The following ZCCHC17 variants were observed in gnomAD, a reference collection of about 807,000 sequenced individuals.
ZCCHC17 encodes zinc finger CCHC domain-containing protein 17.
In ZCCHC17, 18 loss-of-function variants were observed where a neutral mutation model predicts 30.6. The observed-to-expected ratio is 0.59, with a 90% CI of 0.41 to 0.87. The LOEUF (loss-of-function observed/expected upper bound fraction) is 0.87, where lower values mean the gene tolerates loss of function less well. Ranked by LOEUF, ZCCHC17 falls within the 40% of genes least tolerant of loss-of-function variation. The pLI is 0.00. For synonymous variants in ZCCHC17, 88 were observed against 92.4 expected (o/e 0.95, Z 0.27); for missense variants, 263 against 284.2 (o/e 0.93, Z 0.54).
At chr1:31,362,004 G>A (rs978162072) in intron 7 of ZCCHC17, among the ~76,000 whole-genome samples, 1 of 152,014 alleles carries the variant, frequency 6.6e-6, no homozygotes, top group Non-Finnish European at 1.5e-5. Context: ...TAGAGACAGG[G>A]TTTCACCATG....
intron 1 of ZCCHC17, among the ~76,000 whole-genome samples, chr1:31,299,255 A>G (rs1365635944): frequency 6.6e-6 from 1 of 152,162 alleles, no homozygotes; most frequent in African/African-American, 2.4e-5. Context: ...AAATTTGAGA[A>G]TATTGTAGAA....
intron 3 of ZCCHC17, among the ~76,000 whole-genome samples, chr1:31,332,894 T>C (rs1638645736): frequency 6.6e-6 from 1 of 152,188 alleles, no homozygotes; most frequent in Non-Finnish European, 1.5e-5. Context: ...GGTGCTGGGA[T>C]CACAAGCATG....
At chr1:31,337,099 T>C in intron 3 of ZCCHC17, 76 bp from the exon 4 acceptor site, 2 of 1,362,978 alleles carry the variant, frequency 1.5e-6, no homozygotes, top group South Asian at 2.8e-5. Flanking sequence ...CCCCAACTCT[T>C]ACCTTCTTAT....
At chr1:31,300,530 A>G (rs1339901832) in intron 1 of ZCCHC17, among the ~76,000 whole-genome samples, 8 of 152,180 alleles carry the variant, frequency 5.3e-5, no homozygotes, top group Non-Finnish European at 1.0e-4. Flanking sequence ...ACATACTGCC[A>G]GATAGTTAAA....
chr1:31,364,181 G>C lies in ZCCHC17; in HGVS notation c.714G>C (p.Lys238Asn). Residue 238 changes from lysine (K) to asparagine (N), a missense_variant, in exon 8 of 8, where the codon AAG becomes AAC. By Grantham distance (94) the Lys-to-Asn change is moderately conservative (BLOSUM62 0). Transcript: ENST00000344147. ...KKKKKKKHKK[K>N]HKE Reference sequence around the variant, plus strand: ...AAAAGAAGAAGAAGCACAAGAAGAAGCACAAGGAGTGAGAGTATAAAGAGT... The same window carrying C: ...AAAAGAAGAAGAAGCACAAGAAGAACCACAAGGAGTGAGAGTATAAAGAGT... The C allele has an allele frequency of 1.2e-6, 2 of 1,613,442 alleles. No homozygotes were observed. Among genetic ancestry groups the C allele is most frequent in the South Asian group, 2.2e-5 (2 of 91,038 alleles).
intron 6 of ZCCHC17, among the ~76,000 whole-genome samples, chr1:31,347,628 T>G (rs1422960090): frequency 6.6e-6 from 1 of 152,132 alleles, no homozygotes; most frequent in Non-Finnish European, 1.5e-5. Flanking sequence ...AGATAGCTTT[T>G]TTTGTTGTTT....
chr1:31,310,010 T>C, intron 1 of ZCCHC17, 34 bp from the exon 2 acceptor site: 7 of 1,243,878 alleles, frequency 5.6e-6, no homozygotes, highest in Non-Finnish European at 8.2e-6. Flanking sequence ...AATGCAGATA[T>C]CTCTCTAATT....
chr1:31,336,980 A>T lies in ZCCHC17; in HGVS notation c.125-195A>T, dbSNP rs115921067. On this transcript the variant is annotated intron_variant, in intron 3 of 7. Coordinates refer to ENST00000344147, the MANE Select transcript of ZCCHC17 (RefSeq NM_016505.4). Reference sequence around the variant, plus strand: ...TGAGCCACTGTGCCCGGCCACTTTGAGCATTATTTTAAGAATGTTTGTTGG... The same window carrying T: ...TGAGCCACTGTGCCCGGCCACTTTGTGCATTATTTTAAGAATGTTTGTTGG... 4.8e-4 allele frequency: 221 copies of T among 464,650 alleles called. 1 individual carries two copies. The highest frequency in any genetic ancestry group is 4.3e-3 in the African/African-American group (214 of 49,384). 28.8% of individuals were successfully genotyped at this position (464,650 alleles called of 1,614,324 possible).
At chr1:31,355,242 G>C (rs186955963) in intron 7 of ZCCHC17, among the ~76,000 whole-genome samples, 176 of 150,576 alleles carry the variant, frequency 1.2e-3, no homozygotes, top group Middle Eastern at 3.4e-3. Flanking sequence ...AGTCCTCTTT[G>C]ATTAAAAAGT....
At position 31,364,341 on chromosome 1, in the gene ZCCHC17, C is replaced by T. The variant is rs1341851517; in HGVS notation, c.*148C>T. On this transcript the variant is annotated 3_prime_UTR_variant, in exon 8 of 8. Transcript: ENST00000344147. ...AGATGGCTTCCCCTCATGCAACAGG[C>T]AGGTTTGGGAGTTAGAGGTCAAAAG... is the stretch of plus-strand genomic sequence containing the variant. 1 of 1,389,846 alleles carries T rather than the reference C, an allele frequency of 7.2e-7. No individual in the cohort carries two copies. The highest frequency in any genetic ancestry group is 1.5e-5 in the African/African-American group (1 of 68,652). 86.1% of individuals were successfully genotyped at this position (1,389,846 alleles called of 1,614,324 possible). A position where few individuals can be genotyped will look rare whatever the true frequency, so the allele number is the denominator to read the frequency against.
chr1:31,314,493 TTCTG>T (rs1333991458), intron 2 of ZCCHC17, among the ~76,000 whole-genome samples: 1 of 151,004 alleles, frequency 6.6e-6, no homozygotes, highest in Non-Finnish European at 1.5e-5. Flanking sequence ...CTTTCACACA[TTCTG>T]TCTTATTGAA....
intron 5 of ZCCHC17, among the ~76,000 whole-genome samples, chr1:31,340,387 G>A (rs533300646): frequency 1.3e-4 from 18 of 134,654 alleles, no homozygotes; most frequent in African/African-American, 4.4e-4. Flanking sequence ...GCACAATCTC[G>A]GCTCACCGCA....
At chr1:31,300,920 C>T (rs1001185000) in intron 1 of ZCCHC17, among the ~76,000 whole-genome samples, 6 of 137,686 alleles carry the variant, frequency 4.4e-5, no homozygotes, top group African/African-American at 1.1e-4. Flanking sequence ...GTGACAAGAA[C>T]AAAACTCTGT....
chr1:31,309,273 G>A (rs971138894), intron 1 of ZCCHC17, among the ~76,000 whole-genome samples: 1 of 152,144 alleles, frequency 6.6e-6, no homozygotes, highest in African/African-American at 2.4e-5. Flanking sequence ...TCTCTCATCT[G>A]TATAATATAA....
At chr1:31,340,994 T>C (rs1430014990) in intron 5 of ZCCHC17, among the ~76,000 whole-genome samples, 2 of 152,220 alleles carry the variant, frequency 1.3e-5, no homozygotes, top group Non-Finnish European at 2.9e-5. Context: ...AAAGTGGATG[T>C]TATCTCCATT....
chr1:31,337,560 C>T (rs987734460), intron 4 of ZCCHC17, among the ~76,000 whole-genome samples: 3 of 151,974 alleles, frequency 2.0e-5, no homozygotes, highest in Admixed American at 6.6e-5. Context: ...GAAAAAAGAA[C>T]CAAAAAGAGA....
intron 1 of ZCCHC17, among the ~76,000 whole-genome samples, chr1:31,304,888 C>T (rs1407472767): frequency 6.6e-6 from 1 of 152,216 alleles, no homozygotes; most frequent in Non-Finnish European, 1.5e-5. Context: ...AGCCACCACG[C>T]ACGGCTGTAT....
intron 7 of ZCCHC17, among the ~76,000 whole-genome samples, chr1:31,354,645 T>G (rs1249619597): frequency 6.6e-6 from 1 of 152,240 alleles, no homozygotes; most frequent in Non-Finnish European, 1.5e-5. Flanking sequence ...GATCTTTGGT[T>G]GAGTTCTTTT....
At chr1:31,346,273 T>C (rs1365950770) in intron 5 of ZCCHC17, among the ~76,000 whole-genome samples, 1 of 152,194 alleles carries the variant, frequency 6.6e-6, no homozygotes, top group Non-Finnish European at 1.5e-5. Context: ...AAAAGTAGTT[T>C]AGAGACAAAC....
Sources: gnomAD v4.1 joint callset for allele counts (sites outside exome capture counted in the v4.1 genomes callset) on GRCh38, gnomAD v4.1.1 for gene constraint, MANE v1.5 for transcripts, NCBI Gene and HGNC (gene_info 2026-07-23, HGNC 2026-07-21) for gene names.